The following LDLRAD3 variants were observed in gnomAD, a reference collection of about 807,000 sequenced individuals.
The protein encoded by LDLRAD3 is low density lipoprotein receptor class A domain containing 3.
In LDLRAD3, 20 loss-of-function variants were observed where a neutral mutation model predicts 29.4. The ratio of observed to expected loss-of-function variants is 0.68; its 90% confidence interval spans 0.48 to 0.99. The LOEUF (loss-of-function observed/expected upper bound fraction) is 0.99. LDLRAD3 is among the 50% of genes least tolerant of loss of function. The pLI is 0.00. For missense variants in LDLRAD3, 420 were observed against 454.3 expected, an observed-to-expected ratio of 0.92 and a Z score of 0.69; for synonymous variants, 157 against 192.7, an observed-to-expected ratio of 0.81 and a Z score of 1.53.
intron 4 of LDLRAD3, among the ~76,000 whole-genome samples, chr11:36,137,492 T>C: frequency 6.6e-6 from 1 of 152,216 alleles, no homozygotes. Flanking sequence ...AGGTGAAGCA[T>C]TCAAGTCTAG....
intron 4 of LDLRAD3, among the ~76,000 whole-genome samples, chr11:36,114,447 G>A (rs925778581): frequency 6.6e-6 from 1 of 152,170 alleles, no homozygotes; most frequent in African/African-American, 2.4e-5. Flanking sequence ...TTTATTGTAA[G>A]CCCATTGTGA....
intron 4 of LDLRAD3, 38 bp from the exon 5 acceptor site, chr11:36,227,047 A>C (rs755134163): frequency 7.9e-5 from 110 of 1,393,702 alleles, no homozygotes; most frequent in Non-Finnish European, 1.0e-4. Flanking sequence ...CCAAACTGGT[A>C]ACCTTCTCTC....
At chr11:35,983,302 C>T (rs1478906098) in intron 1 of LDLRAD3, among the ~76,000 whole-genome samples, 3 of 152,220 alleles carry the variant, frequency 2.0e-5, no homozygotes, top group Non-Finnish European at 4.4e-5. Context: ...AAGATACCAT[C>T]AAAATTAATT....
At chr11:36,198,518 A>G (rs1260650302) in intron 4 of LDLRAD3, among the ~76,000 whole-genome samples, 2 of 152,186 alleles carry the variant, frequency 1.3e-5, no homozygotes, top group African/African-American at 4.8e-5. Flanking sequence ...ACATCCTGAG[A>G]GCCAAGAGCC....
intron 1 of LDLRAD3, among the ~76,000 whole-genome samples, chr11:35,969,404 A>G (rs751617182): frequency 6.6e-6 from 1 of 152,190 alleles, no homozygotes; most frequent in Non-Finnish European, 1.5e-5. Flanking sequence ...AGCATTATCC[A>G]TGGAGAAAAT....
At chr11:36,065,451 A>G (rs923288194) in intron 2 of LDLRAD3, among the ~76,000 whole-genome samples, 15 of 152,112 alleles carry the variant, frequency 9.9e-5, no homozygotes, top group African/African-American at 3.6e-4. Flanking sequence ...TTTGTTGTTA[A>G]AGTTAGCTCA....
chr11:36,096,891 C>G (rs1055436524), intron 3 of LDLRAD3, among the ~76,000 whole-genome samples: 18 of 152,168 alleles, frequency 1.2e-4, no homozygotes, highest in African/African-American at 4.3e-4. Flanking sequence ...AGTAATTTGC[C>G]CAAGATTAAT....
At chr11:36,082,960 A>G (rs1380324005) in intron 3 of LDLRAD3, among the ~76,000 whole-genome samples, 2 of 152,128 alleles carry the variant, frequency 1.3e-5, no homozygotes, top group Non-Finnish European at 2.9e-5. Flanking sequence ...ATTCATAATT[A>G]TCATTGGCTC....
intron 1 of LDLRAD3, among the ~76,000 whole-genome samples, chr11:35,947,371 G>A (rs1851070947): frequency 6.6e-6 from 1 of 152,128 alleles, no homozygotes; most frequent in Admixed American, 6.5e-5. Flanking sequence ...TTAGCCAGGT[G>A]TGGTGACGTG....
intron 4 of LDLRAD3, among the ~76,000 whole-genome samples, chr11:36,144,387 C>A (rs1854137926): frequency 1.4e-5 from 2 of 142,034 alleles, no homozygotes; most frequent in Non-Finnish European, 1.6e-5. Context: ...TGCCTGGCCG[C>A]CCATCATCTG....
intron 2 of LDLRAD3, among the ~76,000 whole-genome samples, chr11:36,060,408 A>G (rs906114600): frequency 2.0e-5 from 3 of 151,824 alleles, no homozygotes; most frequent in African/African-American, 7.3e-5. Flanking sequence ...TCATGTAGCC[A>G]TGTAGCTAGA....
At chr11:36,008,949 A>G (rs1354983789) in intron 1 of LDLRAD3, among the ~76,000 whole-genome samples, 1 of 152,132 alleles carries the variant, frequency 6.6e-6, no homozygotes, top group Non-Finnish European at 1.5e-5. Context: ...TGAAAATAAT[A>G]TATATCGTCT....
intron 1 of LDLRAD3, among the ~76,000 whole-genome samples, chr11:35,984,110 A>G (rs1036725825): frequency 2.6e-5 from 4 of 152,208 alleles, no homozygotes; most frequent in African/African-American, 7.2e-5. Context: ...ACAGCATGAC[A>G]TACTGATTTA....
intron 4 of LDLRAD3, among the ~76,000 whole-genome samples, chr11:36,160,573 T>C (rs1381045537): frequency 6.6e-6 from 1 of 152,088 alleles, no homozygotes; most frequent in Non-Finnish European, 1.5e-5. Context: ...CCTTAAAAAA[T>C]TTTTGGCCCA....
chr11:36,052,181 G>T (rs1382257714), intron 2 of LDLRAD3, among the ~76,000 whole-genome samples: 3 of 152,226 alleles, frequency 2.0e-5, no homozygotes, highest in Non-Finnish European at 4.4e-5. Flanking sequence ...CTTCTGCTAA[G>T]TCCAGGCAGA....
intron 4 of LDLRAD3, among the ~76,000 whole-genome samples, chr11:36,149,357 AAGAC>A (rs1854242456): frequency 6.6e-6 from 1 of 152,226 alleles, no homozygotes; most frequent in African/African-American, 2.4e-5. Context: ...AACAAATGCA[AAGAC>A]CATCCTGGAT....
At chr11:36,059,499 TC>T (rs1590232714) in intron 2 of LDLRAD3, among the ~76,000 whole-genome samples, 2 of 152,056 alleles carry the variant, frequency 1.3e-5, no homozygotes, top group East Asian at 3.9e-4. Context: ...CATTGTACCC[TC>T]CCCTGCCATC....
chr11:36,134,605 C>G (rs1328762401), intron 4 of LDLRAD3, among the ~76,000 whole-genome samples: 1 of 152,240 alleles, frequency 6.6e-6, no homozygotes, highest in Non-Finnish European at 1.5e-5. Flanking sequence ...CTTCACATCT[C>G]ATGGAGAAGG....
intron 1 of LDLRAD3, among the ~76,000 whole-genome samples, chr11:35,978,877 A>C (rs905595155): frequency 1.3e-5 from 2 of 152,174 alleles, no homozygotes; most frequent in African/African-American, 4.8e-5. Flanking sequence ...GGGCACAGCT[A>C]TTACTATATG....
Sources: gnomAD v4.1 joint callset for allele counts (sites outside exome capture counted in the v4.1 genomes callset) on GRCh38, gnomAD v4.1.1 for gene constraint, MANE v1.5 for transcripts, NCBI Gene and HGNC (gene_info 2026-07-23, HGNC 2026-07-21) for gene names.